The following SV2C variants were observed in gnomAD, a reference collection of about 807,000 sequenced individuals.
The protein encoded by SV2C is solute carrier family 22 member B3.
A neutral mutation model predicts 79.7 loss-of-function variants in SV2C; 49 were observed. The ratio of observed to expected loss-of-function variants is 0.61; its 90% CI spans 0.49 to 0.78. SV2C has a LOEUF of 0.78. Among genes scored for constraint, SV2C ranks in the 30% least tolerant of loss-of-function variants. The pLI is 0.00. For synonymous variants in SV2C, 334 were observed against 333.2 expected, an observed-to-expected ratio of 1.00 and a Z score of -0.03; for missense variants, 833 against 912.9, an observed-to-expected ratio of 0.91 and a Z score of 1.13.
chr5:76,251,103 T>C (rs1331950265), intron 4 of SV2C, among the ~76,000 whole-genome samples: 1 of 152,190 alleles, frequency 6.6e-6, no homozygotes, highest in Non-Finnish European at 1.5e-5. Context: ...TCCCTTTAAA[T>C]GCTTCCTCTT....
the SV2C span, among the ~76,000 whole-genome samples, chr5:76,044,218 T>C: frequency 6.6e-6 from 1 of 152,232 alleles, no homozygotes; most frequent in African/African-American, 2.4e-5. Context: ...GCTCTATCCA[T>C]ATCCCTGCAA....
the SV2C span, among the ~76,000 whole-genome samples, chr5:75,860,782 C>T: frequency 2.6e-5 from 4 of 152,174 alleles, no homozygotes; most frequent in African/African-American, 9.7e-5. Flanking sequence ...AATAAAACCA[C>T]ACACCTACAG....
At chr5:76,293,303 C>T (rs1289688207) in intron 8 of SV2C, among the ~76,000 whole-genome samples, 2 of 152,100 alleles carry the variant, frequency 1.3e-5, no homozygotes, top group Non-Finnish European at 2.9e-5. Context: ...CAAAGATAAG[C>T]AAGAAGGAAG....
upstream of SV2C, among the ~76,000 whole-genome samples, chr5:76,081,756 A>G (rs183236875): frequency 6.0e-4 from 92 of 152,314 alleles, 1 homozygote; most frequent in African/African-American, 2.0e-3. Flanking sequence ...GAGGAGGGAA[A>G]ATGAGAGGCC....
chr5:75,867,639 A>G, the SV2C span, among the ~76,000 whole-genome samples: 1 of 152,210 alleles, frequency 6.6e-6, no homozygotes, highest in Non-Finnish European at 1.5e-5. Flanking sequence ...CATCTGTTAT[A>G]TTTGATTCCT....
chr5:76,043,248 C>T, the SV2C span, among the ~76,000 whole-genome samples: 1 of 152,170 alleles, frequency 6.6e-6, no homozygotes, highest in African/African-American at 2.4e-5. Flanking sequence ...TCCTGGTATT[C>T]ATATTCTTGT....
chr5:76,071,126 G>T, the SV2C span, among the ~76,000 whole-genome samples: 7 of 152,234 alleles, frequency 4.6e-5, no homozygotes, highest in Admixed American at 3.9e-4. Flanking sequence ...GCAGGCAAGT[G>T]CTCCACAGTC....
the SV2C span, among the ~76,000 whole-genome samples, chr5:75,995,254 T>C: frequency 5.3e-5 from 8 of 152,188 alleles, no homozygotes; most frequent in East Asian, 1.6e-3. Flanking sequence ...CTTAGCCCAG[T>C]CAAGTTAATA....
the SV2C span, among the ~76,000 whole-genome samples, chr5:75,975,123 AG>A: frequency 2.0e-5 from 3 of 152,198 alleles, no homozygotes; most frequent in African/African-American, 7.2e-5. Flanking sequence ...ACCTTGACAT[AG>A]TACCACTGAA....
chr5:76,065,543 C>T, the SV2C span, among the ~76,000 whole-genome samples: 10 of 152,080 alleles, frequency 6.6e-5, no homozygotes, highest in East Asian at 1.5e-3. Flanking sequence ...TTAAGAAATA[C>T]GTAATTTTTT....
the SV2C span, among the ~76,000 whole-genome samples, chr5:76,026,534 T>A: frequency 1.3e-5 from 2 of 152,092 alleles, no homozygotes; most frequent in Non-Finnish European, 2.9e-5. Flanking sequence ...ATCCTTATCC[T>A]CCCACTGCAA....
intron 1 of SV2C, among the ~76,000 whole-genome samples, chr5:76,118,920 T>C (rs751795886): frequency 6.6e-6 from 1 of 152,096 alleles, no homozygotes; most frequent in Non-Finnish European, 1.5e-5. Context: ...GAGGTAGAGG[T>C]TGTGGTGAGC....
At chr5:75,881,150 C>A in the SV2C span, among the ~76,000 whole-genome samples, 1 of 152,142 alleles carries the variant, frequency 6.6e-6, no homozygotes, top group African/African-American at 2.4e-5. Flanking sequence ...ATCCAATCAC[C>A]ACCCACCAGG....
chr5:76,282,916 G>T (rs1279662854), intron 4 of SV2C, among the ~76,000 whole-genome samples: 2 of 152,112 alleles, frequency 1.3e-5, no homozygotes, highest in African/African-American at 4.8e-5. Context: ...GGAGGCTAAG[G>T]CATGAGAATC....
chr5:76,125,064 C>T (rs1748656514), intron 1 of SV2C, among the ~76,000 whole-genome samples: 1 of 152,140 alleles, frequency 6.6e-6, no homozygotes, highest in Non-Finnish European at 1.5e-5. Flanking sequence ...CTGCTGAGGT[C>T]TTTACCCTGG....
downstream of SV2C, among the ~76,000 whole-genome samples, chr5:76,334,839 C>T (rs1022186561): frequency 6.6e-6 from 1 of 152,152 alleles, no homozygotes; most frequent in Non-Finnish European, 1.5e-5. Context: ...TCACCTCTCC[C>T]CCTATAGCTG....
chr5:76,064,940 C>T, the SV2C span, among the ~76,000 whole-genome samples: 2 of 152,052 alleles, frequency 1.3e-5, no homozygotes, highest in African/African-American at 4.8e-5. Flanking sequence ...TCCTTTTTCT[C>T]GTAAGTATTA....
At chr5:76,036,389 T>C in the SV2C span, among the ~76,000 whole-genome samples, 2 of 152,214 alleles carry the variant, frequency 1.3e-5, no homozygotes, top group Non-Finnish European at 2.9e-5. Flanking sequence ...GTACTGGTTT[T>C]TCCCTTCCAT....
At chr5:75,999,995 T>C in the SV2C span, among the ~76,000 whole-genome samples, 1 of 152,292 alleles carries the variant, frequency 6.6e-6, no homozygotes, top group South Asian at 2.1e-4. Flanking sequence ...TACTGTTGCA[T>C]TGAGGATTAA....
Sources: gnomAD v4.1 joint callset for allele counts (sites outside exome capture counted in the v4.1 genomes callset) on GRCh38, gnomAD v4.1.1 for gene constraint, MANE v1.5 for transcripts, NCBI Gene and HGNC (gene_info 2026-07-23, HGNC 2026-07-21) for gene names.